Variants in ACAP2 observed in about 807,000 individuals in gnomAD.
ACAP2 encodes the protein ArfGAP with coiled-coil, ankyrin repeat and PH domains 2.
Under a neutral mutation model 115.8 loss-of-function variants are expected in ACAP2, and 39 were observed. The ratio of observed to expected loss-of-function variants is 0.34; its 90% CI spans 0.26 to 0.44. ACAP2 has a LOEUF of 0.44. Among genes scored for constraint, ACAP2 ranks in the 20% least tolerant of loss-of-function variants. ACAP2 has a pLI of 1.00. For missense variants in ACAP2, 662 were observed against 927.6 expected, an observed-to-expected ratio of 0.71 and a Z score of 3.72; for synonymous variants, 289 against 315.8, an observed-to-expected ratio of 0.92 and a Z score of 0.90.
chr3:195,378,708 A>G (rs1304088439), intron 4 of ACAP2, among the ~76,000 whole-genome samples: 1 of 151,688 alleles, frequency 6.6e-6, no homozygotes, highest in Non-Finnish European at 1.5e-5. Context: ...TAAAAATACA[A>G]AAATTAGCCA....
chr3:195,323,776 G>C (rs1235332965), intron 9 of ACAP2, among the ~76,000 whole-genome samples: 1 of 151,662 alleles, frequency 6.6e-6, no homozygotes, highest in East Asian at 2.0e-4. Flanking sequence ...GTGGGAACTG[G>C]GGGTGTCAGC....
chr3:195,367,634 G>GA (rs1210367680), intron 4 of ACAP2, among the ~76,000 whole-genome samples: 1 of 152,204 alleles, frequency 6.6e-6, no homozygotes, highest in African/African-American at 2.4e-5. Flanking sequence ...AAAGAATGCA[G>GA]AAGTGATGCG....
At chr3:195,287,370 T>G (rs1221314230) in intron 21 of ACAP2, among the ~76,000 whole-genome samples, 1 of 152,114 alleles carries the variant, frequency 6.6e-6, no homozygotes, top group East Asian at 1.9e-4. Context: ...GCATGCATTT[T>G]AATCTTAAAA....
intron 4 of ACAP2, among the ~76,000 whole-genome samples, chr3:195,376,329 G>A (rs1315788209): frequency 1.3e-5 from 2 of 151,972 alleles, no homozygotes; most frequent in Admixed American, 1.3e-4. Flanking sequence ...GGGAAGTGGA[G>A]GCTGCAGTGA....
intron 1 of ACAP2, among the ~76,000 whole-genome samples, chr3:195,411,452 C>G (rs542801644): frequency 7.2e-5 from 11 of 152,070 alleles, no homozygotes; most frequent in Non-Finnish European, 1.3e-4. Context: ...ATCCTTTTAC[C>G]TAATATGAAT....
At chr3:195,346,716 T>G (rs1731211670) in intron 4 of ACAP2, among the ~76,000 whole-genome samples, 1 of 152,210 alleles carries the variant, frequency 6.6e-6, no homozygotes, top group African/African-American at 2.4e-5. Flanking sequence ...AAACCTGTAC[T>G]CAAATGTTTA....
At chr3:195,369,975 A>C (rs1434701940) in intron 4 of ACAP2, among the ~76,000 whole-genome samples, 3 of 152,116 alleles carry the variant, frequency 2.0e-5, no homozygotes, top group African/African-American at 7.2e-5. Context: ...ATGGAATCTC[A>C]TTGTGGTTTT....
intron 4 of ACAP2, among the ~76,000 whole-genome samples, chr3:195,358,210 G>C (rs1210563501): frequency 2.0e-5 from 3 of 152,232 alleles, no homozygotes; most frequent in Admixed American, 6.5e-5. Context: ...CAAAAACCTA[G>C]ATAATAACAA....
At chr3:195,367,495 G>C (rs542624459) in intron 4 of ACAP2, among the ~76,000 whole-genome samples, 7 of 152,248 alleles carry the variant, frequency 4.6e-5, no homozygotes, top group African/African-American at 1.7e-4. Context: ...GGTATTGAAA[G>C]GCAACCTATA....
chr3:195,324,161 A>G (rs1729624483), intron 9 of ACAP2, among the ~76,000 whole-genome samples: 1 of 152,220 alleles, frequency 6.6e-6, no homozygotes, highest in African/African-American at 2.4e-5. Context: ...TAGTTCACAA[A>G]TAGGATATCC....
intron 10 of ACAP2, among the ~76,000 whole-genome samples, chr3:195,312,194 T>A (rs1728816895): frequency 6.6e-6 from 1 of 152,184 alleles, no homozygotes; most frequent in South Asian, 2.1e-4. Flanking sequence ...ACTAGAACTA[T>A]ACAGATGATG....
chr3:195,415,282 CTTT>C (rs60818924), intron 1 of ACAP2, among the ~76,000 whole-genome samples: 2 of 139,656 alleles, frequency 1.4e-5, no homozygotes, highest in Non-Finnish European at 1.5e-5. Flanking sequence ...CTAAAAAAGT[CTTT>C]TTTTTTTTTT....
chr3:195,315,728 A>G (rs1729044530), intron 10 of ACAP2, among the ~76,000 whole-genome samples: 1 of 152,228 alleles, frequency 6.6e-6, no homozygotes, highest in Non-Finnish European at 1.5e-5. Flanking sequence ...CATAGATGGC[A>G]TCTCCTTTAA....
intron 3 of ACAP2, 36 bp downstream of exon 3, chr3:195,381,867 T>A (rs368722732): frequency 2.2e-5 from 35 of 1,566,126 alleles, no homozygotes; most frequent in Middle Eastern, 3.4e-4. Flanking sequence ...ATTGCTTTTT[T>A]TTTTCATTTT....
chr3:195,388,545 C>T (rs2108765451), intron 2 of ACAP2, among the ~76,000 whole-genome samples: 1 of 152,316 alleles, frequency 6.6e-6, no homozygotes, highest in South Asian at 2.1e-4. Flanking sequence ...TACAATGATA[C>T]TATAGGTGGA....
At chr3:195,412,082 T>C (rs1713311821) in intron 1 of ACAP2, among the ~76,000 whole-genome samples, 3 of 143,510 alleles carry the variant, frequency 2.1e-5, no homozygotes, top group South Asian at 4.3e-4. Flanking sequence ...CCCAGCACTT[T>C]AGGAAGCCAA....
intron 4 of ACAP2, among the ~76,000 whole-genome samples, chr3:195,355,532 T>C (rs1043083913): frequency 6.6e-6 from 1 of 152,198 alleles, no homozygotes; most frequent in Admixed American, 6.5e-5. Flanking sequence ...AAGCAACACA[T>C]GTATTACAAA....
intron 4 of ACAP2, among the ~76,000 whole-genome samples, chr3:195,345,577 A>G (rs760221693): frequency 1.7e-4 from 26 of 152,230 alleles, no homozygotes; most frequent in Non-Finnish European, 3.4e-4. Context: ...TGCTCAAACA[A>G]TGGAGCAACA....
chr3:195,356,916 G>C (rs1318894339), intron 4 of ACAP2, among the ~76,000 whole-genome samples: 22 of 151,682 alleles, frequency 1.5e-4, no homozygotes, highest in Admixed American at 1.4e-3. Context: ...CGGTGGCTAC[G>C]AGGAAAGACT....
Sources: allele counts gnomAD v4.1 joint callset (sites outside exome capture counted in the v4.1 genomes callset), GRCh38; gene constraint gnomAD v4.1.1; transcripts MANE v1.5; gene names NCBI Gene and HGNC (gene_info 2026-07-23, HGNC 2026-07-21).